Variants in CEP57L1 observed in about 807,000 individuals in gnomAD.
The protein encoded by CEP57L1 is centrosomal protein 57 like 1, also known as centrosomal protein CEP57L1.
Under a neutral mutation model 61.0 loss-of-function variants are expected in CEP57L1, and 37 were observed. The observed-to-expected ratio is 0.61, with a 90% CI of 0.47 to 0.80. CEP57L1 has a LOEUF of 0.80. Ranked by LOEUF, CEP57L1 falls within the 30% of genes least tolerant of loss-of-function variation. CEP57L1 has a pLI of 0.00. For missense variants in CEP57L1, 422 were observed against 524.7 expected, an observed-to-expected ratio of 0.80 and a Z score of 1.91; for synonymous variants, 137 against 162.3, an observed-to-expected ratio of 0.84 and a Z score of 1.19.
chr6:109,137,905 A>G (rs567651154), intron 1 of CEP57L1, among the ~76,000 whole-genome samples: 1 of 152,350 alleles, frequency 6.6e-6, no homozygotes, highest in East Asian at 1.9e-4. Context: ...AGTGTTTTAT[A>G]AAGAATGGTC....
chr6:109,138,114 G>A (rs1562103154), intron 1 of CEP57L1, among the ~76,000 whole-genome samples: 1 of 152,214 alleles, frequency 6.6e-6, no homozygotes, highest in Non-Finnish European at 1.5e-5. Flanking sequence ...GAGACTGAAG[G>A]AGAGTCAGAG....
intron 5 of CEP57L1, among the ~76,000 whole-genome samples, chr6:109,154,567 A>C (rs909528137): frequency 1.3e-4 from 20 of 152,124 alleles, no homozygotes; most frequent in African/African-American, 4.8e-4. Context: ...TAATCCAAAA[A>C]TCCAAAATCT....
In CEP57L1 at chr6:109,164,723, A is replaced by G. The variant is rs1470805981; in HGVS notation, c.*1753A>G. On this transcript the variant is annotated 3_prime_UTR_variant, in exon 11 of 11. Transcript: ENST00000517392. ...TTCTATACATTTAGGAAGGTGGCTG[A>G]ATATATTTAGTTATTAATAATTCAT... Among the ~76,000 whole-genome samples the G allele has an allele frequency of 6.6e-6, 1 of 152,156 alleles. No homozygotes were observed. The highest frequency in any genetic ancestry group is 1.5e-5 in the Non-Finnish European group (1 of 68,026).
intron 1 of CEP57L1, among the ~76,000 whole-genome samples, chr6:109,109,702 G>A (rs1229053647): frequency 2.0e-5 from 3 of 152,032 alleles, no homozygotes; most frequent in Admixed American, 6.6e-5. Flanking sequence ...ACCAAACCCC[G>A]TGACAGGCCC....
intron 4 of CEP57L1, among the ~76,000 whole-genome samples, chr6:109,152,153 G>T (rs1215303356): frequency 6.6e-6 from 1 of 151,774 alleles, no homozygotes; most frequent in African/African-American, 2.4e-5. Flanking sequence ...TATTGTTTTT[G>T]GTTTTGTTTT....
intron 1 of CEP57L1, among the ~76,000 whole-genome samples, chr6:109,142,641 C>G (rs566091263): frequency 4.6e-4 from 69 of 149,164 alleles, no homozygotes; most frequent in African/African-American, 1.7e-3. Flanking sequence ...AAAGGTACAA[C>G]TTGAGTTTCT....
intron 7 of CEP57L1, chr6:109,157,109 T>C (rs926776349): frequency 1.3e-5 from 2 of 152,002 alleles, no homozygotes; most frequent in African/African-American, 4.8e-5. Context: ...ATAAAAGAAA[T>C]GAAGGAAAGA....
intron 5 of CEP57L1, 21 bp from the exon 6 acceptor site, chr6:109,155,209 T>C (rs761193149): frequency 3.5e-6 from 5 of 1,442,334 alleles, no homozygotes; most frequent in Middle Eastern, 1.8e-4. Context: ...TGTAACAATC[T>C]TAGTTTTTAC....
At chr6:109,101,774 C>T (rs544133500) in intron 1 of CEP57L1, among the ~76,000 whole-genome samples, 5 of 152,240 alleles carry the variant, frequency 3.3e-5, no homozygotes, top group African/African-American at 7.2e-5. Flanking sequence ...CGCCCGCCAC[C>T]GCGCCCGGCT....
intron 1 of CEP57L1, among the ~76,000 whole-genome samples, chr6:109,099,960 G>A (rs1045130249): frequency 2.6e-5 from 4 of 152,158 alleles, no homozygotes; most frequent in African/African-American, 9.7e-5. Flanking sequence ...TCTTCTTGCA[G>A]GTCTTTGCTC....
In CEP57L1 at chr6:109,163,813, A is replaced by C. The variant is rs1372515666; in HGVS notation, c.*843A>C. On this transcript the variant is annotated 3_prime_UTR_variant, in exon 11 of 11. Transcript: ENST00000517392. Reference sequence around the variant, plus strand: ...TCATCCAGCAGAAATTCACGGTAGTATGGTATATTTTTATTTTTTATATTT... The same window carrying C: ...TCATCCAGCAGAAATTCACGGTAGTCTGGTATATTTTTATTTTTTATATTT... 2.0e-5 allele frequency: 3 copies of C among 152,064 alleles called. No homozygotes were observed. Among genetic ancestry groups the C allele is most frequent in the Non-Finnish European group, 4.4e-5 (3 of 68,008 alleles). The allele number at this position is 152,064 out of a possible 1,614,324, so 9.4% of individuals were successfully genotyped here. A position where few individuals can be genotyped will look rare whatever the true frequency, so the allele number is the denominator to read the frequency against.
At chr6:109,133,591 C>CA (rs1355730168) in intron 1 of CEP57L1, among the ~76,000 whole-genome samples, 4 of 151,598 alleles carry the variant, frequency 2.6e-5, no homozygotes, top group Admixed American at 1.3e-4. Flanking sequence ...GATAGAGACA[C>CA]AAAAAAACCC....
At chr6:109,141,372 C>A (rs963972013) in intron 1 of CEP57L1, among the ~76,000 whole-genome samples, 1 of 151,896 alleles carries the variant, frequency 6.6e-6, no homozygotes, top group African/African-American at 2.4e-5. Flanking sequence ...TCCACCACCA[C>A]GCCTGGCTAA....
chr6:109,148,207 T>G (rs1562123238), intron 3 of CEP57L1, among the ~76,000 whole-genome samples: 1 of 152,100 alleles, frequency 6.6e-6, no homozygotes, highest in Non-Finnish European at 1.5e-5. Context: ...CATGCTGGTG[T>G]GCTGCACCCA....
At chr6:109,136,657 G>A (rs1043363544) in intron 1 of CEP57L1, among the ~76,000 whole-genome samples, 3 of 151,024 alleles carry the variant, frequency 2.0e-5, no homozygotes, top group Admixed American at 6.6e-5. Context: ...GTCACACAGC[G>A]GTGCTTCAGT....
intron 1 of CEP57L1, chr6:109,129,183 G>A: frequency 4.3e-6 from 1 of 231,646 alleles, no homozygotes; most frequent in Non-Finnish European, 8.3e-6. Flanking sequence ...CTGGGCGACA[G>A]AGAGAGACTC....
rs181580877 is a variant in CEP57L1 at position 109,169,733 on chromosome 6, T to A, written c.*6763T>A. Among the ~76,000 whole-genome samples the A allele has an allele frequency of 3.9e-5, 6 of 152,320 alleles. No homozygotes were observed. Among genetic ancestry groups the A allele is most frequent in the African/African-American group, 1.4e-4 (6 of 41,566 alleles). On this transcript the variant is annotated 3_prime_UTR_variant, in exon 11 of 11. Transcript: ENST00000517392. ...AGAAAGAAATTTGCTCTGTAGGTGC[T>A]TCAGACAGTTTTACAACCAATAAGA...
chr6:109,095,360 C>T (rs1781555644), upstream of CEP57L1: 1 of 985,782 alleles, frequency 1.0e-6, no homozygotes, highest in East Asian at 1.1e-4. Flanking sequence ...TTAAGATCAC[C>T]CTAAAAGTAG....
chr6:109,145,304 A>G lies in CEP57L1; in HGVS notation c.83A>G (p.Asn28Ser). 1 of 1,611,324 alleles carries G rather than the reference A, an allele frequency of 6.2e-7. No individual in the cohort carries two copies. The highest frequency in any genetic ancestry group is 1.7e-5 in the Admixed American group (1 of 59,958). ...GTATTTGTTCCCTCATTCACCCAGA[A>G]TGAACCATCTCAGAATTGCCATCCT... The part of the protein sequence containing the change: ...ERVFVPSFTQ[N>S]EPSQNCHPAN... Residue 28 changes from asparagine (N) to serine (S), a missense_variant, in exon 2 of 11, where the codon AAT becomes AGT. Coordinates refer to ENST00000517392, the MANE Select transcript of CEP57L1 (RefSeq NM_001271852.3).
Sources: allele counts gnomAD v4.1 joint callset (sites outside exome capture counted in the v4.1 genomes callset), GRCh38; gene constraint gnomAD v4.1.1; transcripts MANE v1.5; gene names NCBI Gene and HGNC (gene_info 2026-07-23, HGNC 2026-07-21).